MIOS: variants seen among roughly 807,000 people sequenced by gnomAD.
MIOS encodes GATOR2 complex protein MIOS.
Under a neutral mutation model 96.9 loss-of-function variants are expected in MIOS, and 52 were observed. The observed-to-expected ratio is 0.54, with a 90% CI of 0.43 to 0.68. The LOEUF (loss-of-function observed/expected upper bound fraction) is 0.68. Among genes scored for constraint, MIOS ranks in the 30% least tolerant of loss-of-function variants. The pLI is 0.00. For missense variants in MIOS, 1,005 were observed against 1,052.8 expected (o/e 0.95, Z 0.63); for synonymous variants, 397 against 359.5 (o/e 1.10, Z -1.18).
chr7:7,582,934 G>A (rs1783776342), intron 5 of MIOS, 184 bp from the exon 6 acceptor site: 1 of 657,432 alleles, frequency 1.5e-6, no homozygotes. Flanking sequence ...AACTCAAGGA[G>A]CTACTGTACT....
At chr7:7,574,776 A>G (rs1197574598) in intron 5 of MIOS, among the ~76,000 whole-genome samples, 1 of 149,282 alleles carries the variant, frequency 6.7e-6, no homozygotes, top group African/African-American at 2.4e-5. Context: ...AAAGTGACAA[A>G]AACCAAACTT....
At chr7:7,594,764 A>G (rs927272951) in intron 9 of MIOS, among the ~76,000 whole-genome samples, 4 of 152,118 alleles carry the variant, frequency 2.6e-5, no homozygotes, top group African/African-American at 9.7e-5. Context: ...GGTATGATAT[A>G]TAAAGTACAT....
intron 9 of MIOS, among the ~76,000 whole-genome samples, chr7:7,590,534 T>C (rs2115438534): frequency 6.6e-6 from 1 of 152,344 alleles, no homozygotes; most frequent in East Asian, 1.9e-4. Context: ...AATTGCTGCC[T>C]TTAATTGGAG....
chr7:7,568,390 G>A (rs1439191315), intron 3 of MIOS, among the ~76,000 whole-genome samples: 4 of 152,128 alleles, frequency 2.6e-5, no homozygotes. Context: ...AGTGGCTGTA[G>A]GATTTCTGAC....
At chr7:7,568,520 C>T (rs1783232485) in intron 3 of MIOS, among the ~76,000 whole-genome samples, 1 of 152,208 alleles carries the variant, frequency 6.6e-6, no homozygotes, top group Admixed American at 6.5e-5. Context: ...GACATAGATG[C>T]ACCTCTCTAT....
intron 11 of MIOS, among the ~76,000 whole-genome samples, chr7:7,601,804 A>G (rs1293389045): frequency 1.3e-5 from 2 of 152,238 alleles, no homozygotes; most frequent in Non-Finnish European, 2.9e-5. Context: ...CTTGATGAAC[A>G]TTGATGCAAA....
In MIOS at chr7:7,572,255, T is replaced by C. The variant is rs913434644; in HGVS notation, c.-40-181T>C. ...CTCATTTTATTGGAAGTGGTTGTTC[T>C]TTCTCCTTTTTTTTCAATAAATATT... On this transcript the variant is annotated intron_variant, in intron 3 of 12. Coordinates refer to ENST00000340080, the MANE Select transcript of MIOS (RefSeq NM_019005.4). The surrounding 1 kb of genome is among the most constrained non-coding windows in gnomAD (Gnocchi z 4.8). Among the ~76,000 whole-genome samples the C allele has an allele frequency of 6.6e-6, 1 of 152,216 alleles. No homozygotes were observed. The highest frequency in any genetic ancestry group is 2.4e-5 in the African/African-American group (1 of 41,440).
intron 5 of MIOS, 68 bp downstream of exon 5, chr7:7,574,264 C>G: frequency 1.7e-6 from 2 of 1,158,802 alleles, no homozygotes; most frequent in Non-Finnish European, 2.4e-6. Context: ...TGCCCCCTGT[C>G]ATTTGGCAGA....
At chr7:7,603,539 G>A (rs368116139) in intron 11 of MIOS, among the ~76,000 whole-genome samples, 2,050 of 152,218 alleles carry the variant, frequency 0.013, 35 homozygotes, top group African/African-American at 0.036. Context: ...TTAGAATGGC[G>A]ATCATTAAAA....
intron 5 of MIOS, among the ~76,000 whole-genome samples, chr7:7,576,125 TAGTA>T (rs1783523986): frequency 6.6e-6 from 1 of 152,208 alleles, no homozygotes; most frequent in South Asian, 2.1e-4. Flanking sequence ...TGGTAACAAA[TAGTA>T]TATATATAAG....
intron 9 of MIOS, among the ~76,000 whole-genome samples, chr7:7,591,375 G>A (rs1784044428): frequency 6.7e-6 from 1 of 150,146 alleles, no homozygotes; most frequent in Non-Finnish European, 1.5e-5. Context: ...CAGCCTCCAG[G>A]CTCAAGCAAT....
intron 10 of MIOS, among the ~76,000 whole-genome samples, chr7:7,595,531 A>C (rs940376423): frequency 6.6e-6 from 1 of 151,602 alleles, no homozygotes; most frequent in Non-Finnish European, 1.5e-5. Flanking sequence ...ACACATGGAA[A>C]TTTTTTTTTA....
In MIOS at chr7:7,590,268, A is replaced by C. The variant is rs536475291; in HGVS notation, c.2043+705A>C. 6.6e-5 allele frequency among the ~76,000 whole-genome samples: 10 copies of C among 152,292 alleles called. No homozygotes were observed. The South Asian group carries it at 1.7e-3, about 25-fold the overall frequency. On this transcript the variant is annotated intron_variant, in intron 9 of 12. Coordinates refer to ENST00000340080, the MANE Select transcript of MIOS (RefSeq NM_019005.4). ...CCTCTCCCACTGCACCTTCTTGTGC[A>C]TATATAGAGACACTAGCCCACAGAC...
intron 11 of MIOS, among the ~76,000 whole-genome samples, chr7:7,597,502 ATATATATATATAT>A (rs1563041027): frequency 0.021 from 1,533 of 72,742 alleles, 282 homozygotes; most frequent in Non-Finnish European, 0.025. Flanking sequence ...ATATATATAT[ATATATATATATAT>A]ATGAAGGCAA....
At chr7:7,606,922 A>G in intron 12 of MIOS, 74 bp from the exon 13 acceptor site, 1 of 1,216,100 alleles carries the variant, frequency 8.2e-7, no homozygotes, top group Non-Finnish European at 1.2e-6. Context: ...CCTGTCTCTT[A>G]AAAAATAAAT....
intron 11 of MIOS, among the ~76,000 whole-genome samples, chr7:7,597,443 G>A (rs1288711615): frequency 8.2e-6 from 1 of 121,420 alleles, no homozygotes; most frequent in African/African-American, 3.1e-5. Flanking sequence ...TGCTGCTTCT[G>A]CTGTTTGTCA....
intron 11 of MIOS, among the ~76,000 whole-genome samples, chr7:7,597,492 A>C (rs1248776227): frequency 3.1e-5 from 2 of 63,504 alleles, no homozygotes; most frequent in Non-Finnish European, 6.5e-5. Flanking sequence ...ATATATATAT[A>C]TATATATATA....
chr7:7,580,796 C>T (rs1783690772), intron 5 of MIOS, among the ~76,000 whole-genome samples: 1 of 149,608 alleles, frequency 6.7e-6, no homozygotes, highest in South Asian at 2.1e-4. Context: ...AAGCGATTCT[C>T]CTGCCTCAGC....
rs767272960 is a variant in MIOS at position 7,608,386 on chromosome 7, T to G, written c.*1294T>G. On this transcript the variant is annotated 3_prime_UTR_variant, in exon 13 of 13. Coordinates refer to ENST00000340080, the MANE Select transcript of MIOS (RefSeq NM_019005.4). ...AGTTTTGCCTTATAAAAACTAAGAT[T>G]TGTCAGATTAGTTTGAGGTGTAACC... is the stretch of plus-strand genomic sequence containing the variant. The G allele has an allele frequency of 4.6e-5, 7 of 152,034 alleles. No homozygotes were observed. Among genetic ancestry groups the G allele is most frequent in the Non-Finnish European group, 8.8e-5 (6 of 67,948 alleles). 9.4% of individuals were successfully genotyped at this position (152,034 alleles called of 1,614,324 possible).
Sources: gnomAD v4.1 joint callset for allele counts (sites outside exome capture counted in the v4.1 genomes callset) on GRCh38, gnomAD v4.1.1 for gene constraint, Gnocchi (gnomAD v3.1) non-coding constraint, MANE v1.5 for transcripts, NCBI Gene and HGNC (gene_info 2026-07-23, HGNC 2026-07-21) for gene names.